The following RBMS3 variants were observed in gnomAD, a reference collection of about 807,000 sequenced individuals.
The protein encoded by RBMS3 is RNA binding motif single stranded interacting protein 3, also known as RNA-binding motif, single-stranded-interacting protein 3.
RBMS3 carries 27 observed loss-of-function variants against 66.8 expected under a neutral mutation model. The observed-to-expected ratio is 0.40, with a 90% CI of 0.30 to 0.56. The LOEUF (loss-of-function observed/expected upper bound fraction) is 0.56. Among genes scored for constraint, RBMS3 ranks in the 20% least tolerant of loss-of-function variants. RBMS3 has a pLI of 0.40. For missense variants in RBMS3, 513 were observed against 549.5 expected (o/e 0.93, Z 0.66); for synonymous variants, 188 against 183.0 (o/e 1.03, Z -0.22).
intron 3 of RBMS3, among the ~76,000 whole-genome samples, chr3:29,548,591 G>A (rs42458): frequency 0.7 from 106,144 of 151,878 alleles, 37,823 homozygotes; most frequent in African/African-American, 0.84. Flanking sequence ...AATAACAACA[G>A]TACTTTATAA....
intron 3 of RBMS3, among the ~76,000 whole-genome samples, chr3:29,489,624 G>A (rs939589392): frequency 3.3e-5 from 5 of 150,534 alleles, no homozygotes; most frequent in African/African-American, 1.2e-4. Context: ...AGAACATAGA[G>A]ATTTCTTTTT....
intron 6 of RBMS3, among the ~76,000 whole-genome samples, chr3:29,782,151 C>T (rs1349230875): frequency 6.6e-6 from 1 of 152,126 alleles, no homozygotes; most frequent in African/African-American, 2.4e-5. Flanking sequence ...GTCCCTAGGG[C>T]AAGTTTGTAT....
At chr3:29,739,473 A>AG (rs533269997) in intron 4 of RBMS3, among the ~76,000 whole-genome samples, 268 of 151,674 alleles carry the variant, frequency 1.8e-3, no homozygotes, top group Non-Finnish European at 3.0e-3. Context: ...AAAAAAAAAA[A>AG]AAAGAAAAGT....
At chr3:29,727,257 A>G (rs1018398922) in intron 4 of RBMS3, among the ~76,000 whole-genome samples, 2 of 152,222 alleles carry the variant, frequency 1.3e-5, no homozygotes, top group African/African-American at 4.8e-5. Flanking sequence ...CCAAGTCATA[A>G]AAACCCTAGA....
chr3:29,858,109 G>T (rs2059126318), intron 6 of RBMS3, among the ~76,000 whole-genome samples: 2 of 152,082 alleles, frequency 1.3e-5, no homozygotes, highest in South Asian at 4.1e-4. Flanking sequence ...ATTTTTGAAA[G>T]AAATCATAAA....
At chr3:29,844,434 G>A (rs1318845287) in intron 6 of RBMS3, among the ~76,000 whole-genome samples, 1 of 152,154 alleles carries the variant, frequency 6.6e-6, no homozygotes, top group African/African-American at 2.4e-5. Flanking sequence ...AGAACACAGA[G>A]TATGGAAACA....
At chr3:29,616,756 A>C (rs1276098682) in intron 4 of RBMS3, 2 of 152,170 alleles carry the variant, frequency 1.3e-5, no homozygotes, top group African/African-American at 4.8e-5. Context: ...TATTCTTTAC[A>C]TTCCTGGGAA....
chr3:29,306,067 C>A (rs1442798447), intron 1 of RBMS3, among the ~76,000 whole-genome samples: 3 of 151,928 alleles, frequency 2.0e-5, no homozygotes, highest in Non-Finnish European at 4.4e-5. Context: ...CTTGACATAT[C>A]TTTTCTTTTA....
At chr3:29,372,117 T>C (rs1461828737) in intron 1 of RBMS3, among the ~76,000 whole-genome samples, 1 of 151,490 alleles carries the variant, frequency 6.6e-6, no homozygotes, top group Non-Finnish European at 1.5e-5. Flanking sequence ...GCCGTTAGAA[T>C]GCAAGTTCAA....
At chr3:29,627,193 A>T (rs761624760) in intron 4 of RBMS3, among the ~76,000 whole-genome samples, 1 of 152,156 alleles carries the variant, frequency 6.6e-6, no homozygotes, top group Non-Finnish European at 1.5e-5. Flanking sequence ...TAAAGTGCTG[A>T]CAAGGACATC....
chr3:29,433,341 T>TACATTTTTTTCCCTCAGA lies in RBMS3; in HGVS notation c.76-1402_76-1401insACATTTTTTTCCCTCAGA, dbSNP rs1197811539. 2.0e-5 allele frequency among the ~76,000 whole-genome samples: 3 copies of TACATTTTTTTCCCTCAGA among 152,082 alleles called. No individual in the cohort carries two copies. In the East Asian group the frequency reaches 5.8e-4, roughly 29 times the overall value. On this transcript the variant is annotated intron_variant, in intron 1 of 14. Coordinates refer to ENST00000383767, the MANE Select transcript of RBMS3 (RefSeq NM_001003793.3). ...CTTCAGATGAGAACCCAGCCCAAAG[T>TACATTTTTTTCCCTCAGA]TTCCCCACTGGAATCTTGATGAATG...
Position 29,350,086 on chromosome 3 carries a change from G to T in RBMS3, c.75+68330G>T, listed in dbSNP as rs148249537. Among the ~76,000 whole-genome samples, 245 of 151,916 alleles carry T rather than the reference G, an allele frequency of 1.6e-3. 1 individual carries two copies. The highest frequency in any genetic ancestry group is 5.8e-3 in the African/African-American group (239 of 41,408). On this transcript the variant is annotated intron_variant, in intron 1 of 14. Transcript: ENST00000383767. Reference sequence around the variant, plus strand: ...GAGGCAAGAGAATTGCTTGAACCTGGGAGGCGGAGGTTGCAGTGAACCGAG... The same window carrying T: ...GAGGCAAGAGAATTGCTTGAACCTGTGAGGCGGAGGTTGCAGTGAACCGAG...
intron 4 of RBMS3, among the ~76,000 whole-genome samples, chr3:29,714,096 T>C (rs2053288805): frequency 7.0e-6 from 1 of 143,756 alleles, no homozygotes; most frequent in African/African-American, 2.6e-5. Flanking sequence ...AAACTATTTT[T>C]AACAAATATT....
chr3:29,614,743 T>C (rs1238971798), intron 4 of RBMS3: 2 of 152,070 alleles, frequency 1.3e-5, no homozygotes, highest in East Asian at 3.9e-4. Flanking sequence ...ATATGTGAGA[T>C]CTCTGGAAAC....
intron 1 of RBMS3, among the ~76,000 whole-genome samples, chr3:29,307,791 G>T (rs947938673): frequency 2.6e-4 from 39 of 151,828 alleles, no homozygotes; most frequent in African/African-American, 9.2e-4. Context: ...TAAATTAATT[G>T]CTTGTCTATG....
intron 1 of RBMS3, among the ~76,000 whole-genome samples, chr3:29,396,922 T>G (rs914142747): frequency 1.3e-5 from 2 of 152,178 alleles, no homozygotes; most frequent in Non-Finnish European, 2.9e-5. Context: ...GTTTCGTGCA[T>G]AAAAGTAGCA....
At chr3:29,986,379 T>C (rs1163107266) in intron 12 of RBMS3, among the ~76,000 whole-genome samples, 2 of 152,212 alleles carry the variant, frequency 1.3e-5, no homozygotes, top group Non-Finnish European at 2.9e-5. Context: ...AATACTAGTT[T>C]ATCACCTTTA....
At chr3:29,932,462 T>C (rs1413070471) in intron 10 of RBMS3, among the ~76,000 whole-genome samples, 2 of 152,166 alleles carry the variant, frequency 1.3e-5, no homozygotes, top group African/African-American at 2.4e-5. Context: ...CTTGTTAAAA[T>C]ACAGATTTCA....
chr3:29,890,511 C>A (rs1479738551), intron 8 of RBMS3, among the ~76,000 whole-genome samples: 1 of 151,560 alleles, frequency 6.6e-6, no homozygotes, highest in African/African-American at 2.4e-5. Context: ...GCAGCTTACT[C>A]CAATCCAGTT....
Sources: gnomAD v4.1 joint callset for allele counts (sites outside exome capture counted in the v4.1 genomes callset) on GRCh38, gnomAD v4.1.1 for gene constraint, MANE v1.5 for transcripts, NCBI Gene and HGNC (gene_info 2026-07-23, HGNC 2026-07-21) for gene names.